Variants in GRAMD1B observed in about 807,000 individuals in gnomAD.
GRAMD1B encodes GRAM domain containing 1B, also known as protein Aster-B.
Under a neutral mutation model 99.7 loss-of-function variants are expected in GRAMD1B, and 37 were observed. The observed-to-expected ratio is 0.37, with a 90% confidence interval of 0.29 to 0.49. GRAMD1B has a LOEUF of 0.49. Among genes scored for constraint, GRAMD1B ranks in the 20% least tolerant of loss-of-function variants. The pLI is 0.98. For missense variants in GRAMD1B, 888 were observed against 1,009.2 expected, an observed-to-expected ratio of 0.88 and a Z score of 1.63; for synonymous variants, 427 against 387.6, an observed-to-expected ratio of 1.10 and a Z score of -1.19.
rs767104181 is a variant in GRAMD1B, at chr11:123,449,714, C to CTT, written c.374+18564_374+18565dup. Among the ~76,000 whole-genome samples the CTT allele has an allele frequency of 3.6e-3, 362 of 99,972 alleles. 32 individuals are homozygous for CTT. Among genetic ancestry groups the CTT allele is most frequent in the African/African-American group, 0.013 (320 of 25,540 alleles). The allele number at this position is 99,972 out of a possible 152,430, so 65.6% of individuals were successfully genotyped here. A position where few individuals can be genotyped will look rare whatever the true frequency, so the allele number is the denominator to read the frequency against. ...TGCAGATGCATGCCACCATGCCTGG[C>CTT]TTTTTTTTTTTTTTTTTGAGACAGG... On this transcript the variant is annotated intron_variant, in intron 1 of 19. Coordinates refer to ENST00000635736, the MANE Select transcript of GRAMD1B (RefSeq NM_001387025.1).
At position 123,609,877 on chromosome 11, in the gene GRAMD1B, T is replaced by C. The variant is rs369275661; in HGVS notation, c.1740T>C (p.Pro580=). The C allele has an allele frequency of 6.3e-7, 1 of 1,598,448 alleles. No homozygotes were observed. Among genetic ancestry groups the C allele is most frequent in the Admixed American group, 1.7e-5 (1 of 58,054 alleles). Residue 580 remains proline, a synonymous_variant, in exon 13 of 20, where the codon CCT becomes CCC. Transcript: ENST00000635736. ...TTTACACCATCACCCTTACCAACCC[T>C]CTGGCTCCCAAAACTGCCACTGTCA... ...VILYTITLTN[P]LAPKTATVRE...
intron 2 of GRAMD1B, among the ~76,000 whole-genome samples, chr11:123,520,642 G>A (rs931041522): frequency 6.6e-6 from 1 of 151,686 alleles, no homozygotes; most frequent in Admixed American, 6.6e-5. Flanking sequence ...AGCTGGGCAT[G>A]GTGGTGCGTG....
intron 1 of GRAMD1B, among the ~76,000 whole-genome samples, chr11:123,373,503 A>G (rs1177970973): frequency 6.6e-6 from 1 of 152,202 alleles, no homozygotes; most frequent in African/African-American, 2.4e-5. Context: ...TCAGTTTGGT[A>G]GATTTGATGT....
chr11:123,358,723 T>G (rs1259294969), exon 1 of GRAMD1B: 1 of 152,466 alleles, frequency 6.6e-6, no homozygotes, highest in Non-Finnish European at 1.5e-5. Context: ...AGCCAGCAGC[T>G]GGTGTGCCGT....
chr11:123,579,830 G>A (rs1448779802), intron 3 of GRAMD1B, among the ~76,000 whole-genome samples: 1 of 152,204 alleles, frequency 6.6e-6, no homozygotes, highest in Non-Finnish European at 1.5e-5. Context: ...ACAGGCGTCA[G>A]GGACCAGGTA....
rs554605014 is a variant in GRAMD1B at position 123,467,696 on chromosome 11, A to G, written c.375-13120A>G. ...CAATGCCTAAAACATAGTTGGTGGA[A>G]ACATGGATGGATGAATGACATATCA... On this transcript the variant is annotated intron_variant, in intron 1 of 19. Transcript: ENST00000635736. Among the ~76,000 whole-genome samples the G allele has an allele frequency of 2.0e-5, 3 of 152,112 alleles. No individual in the cohort carries two copies. The South Asian group carries it at 6.2e-4, about 31-fold the overall frequency.
At chr11:123,366,284 G>T (rs550374281) in intron 1 of GRAMD1B, among the ~76,000 whole-genome samples, 23 of 152,358 alleles carry the variant, frequency 1.5e-4, no homozygotes, top group African/African-American at 5.3e-4. Flanking sequence ...CGAAAAGCAG[G>T]AACAAGTTAG....
intron 2 of GRAMD1B, among the ~76,000 whole-genome samples, chr11:123,511,072 A>ACTCTCT (rs35053436): frequency 5.5e-5 from 8 of 146,072 alleles, no homozygotes; most frequent in African/African-American, 1.8e-4. Flanking sequence ...CCTCTTTTTC[A>ACTCTCT]CTCTCTCTCT....
chr11:123,519,149 GGACA>G (rs1456168824), intron 2 of GRAMD1B, among the ~76,000 whole-genome samples: 1 of 152,228 alleles, frequency 6.6e-6, no homozygotes, highest in East Asian at 1.9e-4. Flanking sequence ...AGGGTACCAA[GGACA>G]GGAAGGGAGG....
chr11:123,365,372 C>T (rs1321352990), intron 1 of GRAMD1B, among the ~76,000 whole-genome samples: 1 of 152,152 alleles, frequency 6.6e-6, no homozygotes, highest in Non-Finnish European at 1.5e-5. Context: ...CTGCCTCAGT[C>T]TCCCCAGGAG....
intron 1 of GRAMD1B, among the ~76,000 whole-genome samples, chr11:123,365,027 T>C (rs1591355161): frequency 1.3e-5 from 2 of 152,350 alleles, no homozygotes; most frequent in East Asian, 1.9e-4. Flanking sequence ...ATTTGTATCA[T>C]GACTTATTGC....
At chr11:123,374,586 T>G (rs753129062) in intron 1 of GRAMD1B, among the ~76,000 whole-genome samples, 2 of 152,228 alleles carry the variant, frequency 1.3e-5, no homozygotes, top group Non-Finnish European at 2.9e-5. Flanking sequence ...ACAGGCATTA[T>G]AGCCTTCGAG....
intron 1 of GRAMD1B, among the ~76,000 whole-genome samples, chr11:123,471,917 G>T (rs1344285128): frequency 1.3e-5 from 2 of 152,192 alleles, no homozygotes; most frequent in Admixed American, 1.3e-4. Flanking sequence ...TGTTTTAATG[G>T]AAGTTCAGCA....
At chr11:123,576,865 G>A (rs1159423267) in intron 2 of GRAMD1B, among the ~76,000 whole-genome samples, 1 of 152,178 alleles carries the variant, frequency 6.6e-6, no homozygotes, top group Admixed American at 6.5e-5. Context: ...TCCCTTGGTG[G>A]AATGTTTTAA....
chr11:123,358,484 G>T (rs1946030489), exon 1 of GRAMD1B: 1 of 152,122 alleles, frequency 6.6e-6, no homozygotes, highest in African/African-American at 2.4e-5. Context: ...GGGGAGTTCC[G>T]CTTCCTCCCG....
At chr11:123,533,104 G>T (rs1943577752) in intron 2 of GRAMD1B, among the ~76,000 whole-genome samples, 1 of 152,118 alleles carries the variant, frequency 6.6e-6, no homozygotes, top group Non-Finnish European at 1.5e-5. Context: ...CGAGTAGCTG[G>T]GATTACAGGC....
At chr11:123,374,306 A>G (rs1946624014) in intron 1 of GRAMD1B, among the ~76,000 whole-genome samples, 1 of 152,202 alleles carries the variant, frequency 6.6e-6, no homozygotes, top group Non-Finnish European at 1.5e-5. Flanking sequence ...TGAGTCTTGA[A>G]GACAAAGAAT....
chr11:123,439,162 CTG>C (rs1169324859), intron 1 of GRAMD1B, among the ~76,000 whole-genome samples: 1 of 152,208 alleles, frequency 6.6e-6, no homozygotes, highest in Admixed American at 6.5e-5. Context: ...TCCTGTGACT[CTG>C]GAGCCTGGAA....
intron 2 of GRAMD1B, among the ~76,000 whole-genome samples, chr11:123,484,762 TG>T (rs1951795653): frequency 1.3e-5 from 2 of 152,222 alleles, no homozygotes; most frequent in African/African-American, 4.8e-5. Flanking sequence ...TCTTGGCTGC[TG>T]GGTTCCTTCT....
Sources: gnomAD v4.1 joint callset for allele counts (sites outside exome capture counted in the v4.1 genomes callset) on GRCh38, gnomAD v4.1.1 for gene constraint, MANE v1.5 for transcripts, NCBI Gene and HGNC (gene_info 2026-07-23, HGNC 2026-07-21) for gene names.